The following SORD variants were observed in gnomAD, a reference collection of about 807,000 sequenced individuals.
SORD encodes sorbitol dehydrogenase.
A neutral mutation model predicts 35.6 loss-of-function variants in SORD; 18 were observed. The observed-to-expected ratio is 0.51, with a 90% confidence interval of 0.35 to 0.75. The LOEUF (loss-of-function observed/expected upper bound fraction) is 0.75. SORD is among the 30% of genes least tolerant of loss of function. The pLI is 0.01. For missense variants in SORD, 250 were observed against 390.2 expected, an observed-to-expected ratio of 0.64 and a Z score of 3.03; for synonymous variants, 106 against 152.9, an observed-to-expected ratio of 0.69 and a Z score of 2.26.
intron 3 of SORD, among the ~76,000 whole-genome samples, chr15:45,056,709 A>G (rs1893223362): frequency 6.6e-6 from 1 of 152,236 alleles, no homozygotes; most frequent in Non-Finnish European, 1.5e-5. Flanking sequence ...TTTTTATACA[A>G]GTTATAAATG....
intron 1 of SORD, among the ~76,000 whole-genome samples, chr15:45,031,505 C>T (rs768922839): frequency 3.9e-5 from 6 of 152,254 alleles, no homozygotes; most frequent in South Asian, 2.1e-4. Flanking sequence ...AGAGTTCTCA[C>T]GGGCAGAGCT....
intron 7 of SORD, among the ~76,000 whole-genome samples, chr15:45,069,280 A>C (rs551579463): frequency 6.0e-5 from 8 of 133,002 alleles, no homozygotes; most frequent in Non-Finnish European, 1.2e-4. Flanking sequence ...GATCTCAGCT[A>C]ACTGCAAGCT....
intron 1 of SORD, among the ~76,000 whole-genome samples, chr15:45,025,937 G>A (rs926012221): frequency 2.6e-5 from 4 of 152,204 alleles, no homozygotes; most frequent in Non-Finnish European, 1.5e-5. Context: ...AATTATGGAT[G>A]GCTGAGCTTG....
chr15:45,038,533 C>T (rs567282287), intron 1 of SORD, among the ~76,000 whole-genome samples: 3 of 152,096 alleles, frequency 2.0e-5, no homozygotes, highest in Admixed American at 1.3e-4. Flanking sequence ...AGAAAGGGCT[C>T]GTAACTTGAC....
chr15:45,031,146 T>C (rs797005085), intron 1 of SORD, among the ~76,000 whole-genome samples: 31,120 of 150,436 alleles, frequency 0.21, 6 homozygotes, highest in African/African-American at 0.44. Flanking sequence ...GGAAAGACCT[T>C]GTCTCTACAA....
At chr15:45,045,686 A>G (rs1893037129) in intron 3 of SORD, among the ~76,000 whole-genome samples, 1 of 152,168 alleles carries the variant, frequency 6.6e-6, no homozygotes, top group African/African-American at 2.4e-5. Flanking sequence ...ATAAACATGC[A>G]TAATCTTTAT....
chr15:45,068,150 A>G lies in SORD; in HGVS notation c.545-31A>G, dbSNP rs371950906. 7 of 1,580,830 alleles carry G rather than the reference A, an allele frequency of 4.4e-6. No individual in the cohort carries two copies. The African/African-American group carries it at 9.4e-5, about 21-fold the overall frequency. On this transcript the variant is annotated intron_variant, in intron 5 of 8. Coordinates refer to ENST00000267814, the MANE Select transcript of SORD (RefSeq NM_003104.6). ...TGGGAGAGCAGATGTTTAATATTTC[A>G]CGAACATATTCCATCTTCTGCTTTG... is the stretch of plus-strand genomic sequence containing the variant.
intron 3 of SORD, among the ~76,000 whole-genome samples, chr15:45,056,880 G>T (rs1303767440): frequency 6.6e-6 from 1 of 152,188 alleles, no homozygotes; most frequent in Non-Finnish European, 1.5e-5. Context: ...TGTAGTAATT[G>T]TGGGTACTTT....
intron 3 of SORD, among the ~76,000 whole-genome samples, chr15:45,056,474 A>G (rs1047365565): frequency 1.3e-5 from 2 of 152,224 alleles, no homozygotes; most frequent in Non-Finnish European, 2.9e-5. Flanking sequence ...CCACTGCTCA[A>G]TGAAATAAAA....
chr15:45,032,516 C>T (rs759528006), intron 1 of SORD, among the ~76,000 whole-genome samples: 1 of 151,892 alleles, frequency 6.6e-6, no homozygotes, highest in African/African-American at 2.4e-5. Context: ...CCACCTCCTG[C>T]GGGATCTGAA....
chr15:45,029,730 C>T (rs553363218), intron 1 of SORD, among the ~76,000 whole-genome samples: 354 of 152,194 alleles, frequency 2.3e-3, no homozygotes, highest in African/African-American at 8.1e-3. Context: ...AATGAGGTCA[C>T]GCAGATGATT....
At chr15:45,060,371 A>G (rs561346776) in intron 3 of SORD, among the ~76,000 whole-genome samples, 1 of 152,312 alleles carries the variant, frequency 6.6e-6, no homozygotes, top group South Asian at 2.1e-4. Context: ...AAAAATAACA[A>G]TTAGAGAGCA....
rs200282787 is a variant in SORD, at chr15:45,036,535, T to TA, written c.67-3864dup. 6.8e-4 allele frequency among the ~76,000 whole-genome samples: 102 copies of TA among 150,978 alleles called. 3 individuals carry two copies. In the East Asian group the frequency reaches 0.012, roughly 18 times the overall value. On this transcript the variant is annotated intron_variant, in intron 1 of 8. Transcript: ENST00000267814. ...GGTGAAACTCCGTCTCTACCAAAAA[T>TA]AAAAAAAAATTAGCCACGCAGCGTG...
At chr15:45,062,483 T>A (rs1260359306) in intron 4 of SORD, among the ~76,000 whole-genome samples, 4 of 151,950 alleles carry the variant, frequency 2.6e-5, no homozygotes, top group Admixed American at 6.5e-5. Flanking sequence ...GTGGTGGTTT[T>A]CAGCCAGGAT....
intron 1 of SORD, among the ~76,000 whole-genome samples, chr15:45,031,251 G>A (rs918849486): frequency 6.6e-6 from 1 of 152,072 alleles, no homozygotes; most frequent in African/African-American, 2.4e-5. Context: ...CCAGGAGTTC[G>A]AGATTGTGGT....
intron 3 of SORD, among the ~76,000 whole-genome samples, chr15:45,056,255 C>A (rs1464110671): frequency 1.3e-5 from 2 of 151,794 alleles, no homozygotes; most frequent in South Asian, 2.1e-4. Flanking sequence ...TGTCTCAGCC[C>A]AAAATCTCCT....
chr15:45,067,286 C>T (rs1566964826), intron 5 of SORD, among the ~76,000 whole-genome samples: 1 of 151,994 alleles, frequency 6.6e-6, no homozygotes, highest in Admixed American at 6.6e-5. Flanking sequence ...TGCTTGAACC[C>T]GGGAGGCGGA....
chr15:45,030,685 CTT>C (rs1163377366), intron 1 of SORD, among the ~76,000 whole-genome samples: 1 of 152,254 alleles, frequency 6.6e-6, no homozygotes, highest in African/African-American at 2.4e-5. Context: ...TGTTCATACA[CTT>C]TGAATTAGGA....
At chr15:45,062,308 C>T (rs1450874091) in intron 4 of SORD, among the ~76,000 whole-genome samples, 19 of 152,268 alleles carry the variant, frequency 1.2e-4, no homozygotes, top group Admixed American at 7.2e-4. Context: ...TACCCTACTC[C>T]GATTCTCACC....
Sources: allele counts gnomAD v4.1 joint callset (sites outside exome capture counted in the v4.1 genomes callset), GRCh38; gene constraint gnomAD v4.1.1; transcripts MANE v1.5; gene names NCBI Gene and HGNC (gene_info 2026-07-23, HGNC 2026-07-21).